Variants in USH2A observed in about 807,000 individuals in gnomAD.
USH2A encodes the protein usherin, also known as Usher syndrome 2A (autosomal recessive, mild).
In USH2A, 443 loss-of-function variants were observed where a neutral mutation model predicts 538.9. The observed-to-expected ratio is 0.82, with a 90% CI of 0.76 to 0.89. The LOEUF (loss-of-function observed/expected upper bound fraction) is 0.89. USH2A is among the 40% of genes least tolerant of loss of function. The pLI is 0.00. For synonymous variants in USH2A, 2,413 were observed against 2,273.5 expected, an observed-to-expected ratio of 1.06 and a Z score of -1.75; for missense variants, 6,633 against 6,324.8, an observed-to-expected ratio of 1.05 and a Z score of -1.65.
intron 30 of USH2A, among the ~76,000 whole-genome samples, chr1:216,069,866 GAA>G (rs2031499010): frequency 6.6e-6 from 1 of 152,148 alleles, no homozygotes; most frequent in South Asian, 2.1e-4. Flanking sequence ...GGGATGGAGA[GAA>G]TATCTACCTT....
chr1:215,644,407 C>T (rs374489334), intron 67 of USH2A, among the ~76,000 whole-genome samples: 11 of 152,016 alleles, frequency 7.2e-5, no homozygotes, highest in Admixed American at 3.3e-4. Flanking sequence ...GCTTTTGGAA[C>T]CAAAGCCTTG....
At chr1:216,377,194 ATTGT>A (rs934994656) in intron 3 of USH2A, among the ~76,000 whole-genome samples, 2 of 152,146 alleles carry the variant, frequency 1.3e-5, no homozygotes, top group Non-Finnish European at 2.9e-5. Context: ...TATGATTTGA[ATTGT>A]TTGTTTAAAT....
chr1:216,341,070 C>A (rs1477797012), intron 4 of USH2A, among the ~76,000 whole-genome samples: 2 of 151,880 alleles, frequency 1.3e-5, no homozygotes, highest in South Asian at 2.1e-4. Flanking sequence ...TGTTTGCAGG[C>A]GACATGATTC....
chr1:215,941,016 C>T (rs746656001), intron 37 of USH2A, among the ~76,000 whole-genome samples: 4 of 151,964 alleles, frequency 2.6e-5, no homozygotes, highest in African/African-American at 7.3e-5. Flanking sequence ...TTCTAAATAT[C>T]GCAAATTATT....
chr1:216,092,074 G>A (rs2032315815), intron 22 of USH2A, among the ~76,000 whole-genome samples: 1 of 152,128 alleles, frequency 6.6e-6, no homozygotes, highest in South Asian at 2.1e-4. Flanking sequence ...CAAAATATCT[G>A]TGTAATCATT....
chr1:216,057,407 G>A (rs1183973373), intron 30 of USH2A, among the ~76,000 whole-genome samples: 3 of 152,130 alleles, frequency 2.0e-5, no homozygotes, highest in Non-Finnish European at 4.4e-5. Context: ...TGTAATGCCA[G>A]CACTTTGGGA....
chr1:216,305,290 T>C (rs1295409867), intron 9 of USH2A, among the ~76,000 whole-genome samples: 3 of 152,154 alleles, frequency 2.0e-5, no homozygotes, highest in African/African-American at 7.2e-5. Flanking sequence ...TTAACTGCTG[T>C]TGCTTTGAAG....
intron 12 of USH2A, among the ~76,000 whole-genome samples, chr1:216,248,774 C>T (rs1416041906): frequency 6.6e-6 from 1 of 152,058 alleles, no homozygotes; most frequent in African/African-American, 2.4e-5. Flanking sequence ...AAAATATGCA[C>T]AGTGCTTATT....
In USH2A at chr1:215,734,248, G is replaced by T. The variant is rs185423316; in HGVS notation, c.11712-5864C>A. Among the ~76,000 whole-genome samples the T allele has an allele frequency of 4.7e-3, 710 of 152,270 alleles. 2 individuals are homozygous for T. The highest frequency in any genetic ancestry group is 0.016 in the African/African-American group (685 of 41,556). On this transcript the variant is annotated intron_variant, in intron 60 of 71. Coordinates refer to ENST00000307340, the MANE Select transcript of USH2A (RefSeq NM_206933.4). ...AGCACCTACCTGTGATGTATCTGAG[G>T]CCCTTCGAGCTGCAGCTGCAGCAAG...
intron 22 of USH2A, among the ~76,000 whole-genome samples, chr1:216,091,421 T>A (rs1016582645): frequency 2.6e-5 from 4 of 152,204 alleles, no homozygotes; most frequent in African/African-American, 9.6e-5. Context: ...AAGTGAAGAA[T>A]GGGAAAATTA....
chr1:216,138,695 T>C (rs1012532101), intron 21 of USH2A, among the ~76,000 whole-genome samples: 5 of 152,174 alleles, frequency 3.3e-5, no homozygotes, highest in African/African-American at 1.2e-4. Context: ...TATTATCATC[T>C]ATTTTCCCCC....
In USH2A at chr1:215,629,003, C is replaced by A; in HGVS notation, c.15330G>T (p.Gly5110=). ...GGTTGCTGCGGATACTCACAGGTGTCCCAGACCGGGGAATTTTGGTATCGG... is the reference window on the plus strand; with the variant it reads ...GGTTGCTGCGGATACTCACAGGTGTACCAGACCGGGGAATTTTGGTATCGG... ...GLADTKIPRS[G]TPVSIRSNRS... Residue 5110 remains glycine (G), a synonymous_variant, in exon 71 of 72, where the codon GGG becomes GGT. Transcript: ENST00000307340. 6.2e-7 allele frequency: 1 copy of A among 1,613,494 alleles called. No homozygotes were observed. Among genetic ancestry groups the A allele is most frequent in the South Asian group, 1.1e-5 (1 of 91,036 alleles).
chr1:216,383,258 C>A (rs1022009446), intron 3 of USH2A, among the ~76,000 whole-genome samples: 1 of 152,094 alleles, frequency 6.6e-6, no homozygotes, highest in Non-Finnish European at 1.5e-5. Context: ...TGGGTACAGG[C>A]ATTAGAAAGA....
At chr1:215,851,833 A>G (rs1664024527) in intron 44 of USH2A, among the ~76,000 whole-genome samples, 1 of 152,040 alleles carries the variant, frequency 6.6e-6, no homozygotes, top group East Asian at 1.9e-4. Context: ...CAAAAAGACA[A>G]TTCACCATGA....
At chr1:215,778,147 G>A (rs1661518014) in intron 55 of USH2A, among the ~76,000 whole-genome samples, 1 of 151,910 alleles carries the variant, frequency 6.6e-6, no homozygotes, top group South Asian at 2.1e-4. Context: ...TGCCGCCCAG[G>A]TTGGAGTGAT....
chr1:215,624,127 T>C lies in USH2A; in HGVS notation c.*1654A>G, dbSNP rs748566555. On this transcript the variant is annotated 3_prime_UTR_variant, in exon 72 of 72. Transcript: ENST00000307340. Reference sequence around the variant, plus strand: ...GTATAAAAACTTGGCGAGAAATATATATTTCGTATTTTCTACAGTCACTGC... The same window carrying C: ...GTATAAAAACTTGGCGAGAAATATACATTTCGTATTTTCTACAGTCACTGC... The C allele has an allele frequency of 6.6e-6, 1 of 152,172 alleles. No homozygotes were observed. Among genetic ancestry groups the C allele is most frequent in the African/African-American group, 2.4e-5 (1 of 41,442 alleles). The allele number at this position is 152,172 out of a possible 1,614,324, so 9.4% of individuals were successfully genotyped here.
At chr1:215,992,299 T>C (rs943120026) in intron 35 of USH2A, among the ~76,000 whole-genome samples, 1 of 152,112 alleles carries the variant, frequency 6.6e-6, no homozygotes, top group African/African-American at 2.4e-5. Context: ...TGTGAAACAA[T>C]GGTACTATGT....
intron 4 of USH2A, among the ~76,000 whole-genome samples, chr1:216,364,020 AT>A (rs1349158444): frequency 4.0e-5 from 6 of 150,988 alleles, no homozygotes; most frequent in East Asian, 1.9e-4. Flanking sequence ...TATTGTTTAG[AT>A]TTTTTTATAA....
chr1:215,709,107 A>G (rs1274653019), intron 61 of USH2A, among the ~76,000 whole-genome samples: 1 of 152,012 alleles, frequency 6.6e-6, no homozygotes, highest in Admixed American at 6.5e-5. Context: ...ATTGTATTTG[A>G]TCAGAAGTGT....
Sources: gnomAD v4.1 joint callset for allele counts (sites outside exome capture counted in the v4.1 genomes callset) on GRCh38, gnomAD v4.1.1 for gene constraint, MANE v1.5 for transcripts, NCBI Gene and HGNC (gene_info 2026-07-23, HGNC 2026-07-21) for gene names.